The following PITPNC1 variants were observed in gnomAD, a reference collection of about 807,000 sequenced individuals.
PITPNC1 encodes cytoplasmic phosphatidylinositol transfer protein 1.
A neutral mutation model predicts 44.7 loss-of-function variants in PITPNC1; 18 were observed. That is an observed-to-expected ratio of 0.40 (90% CI 0.28 to 0.60). PITPNC1 has a LOEUF of 0.60. PITPNC1 is among the 20% of genes least tolerant of loss of function. The pLI, the probability that PITPNC1 is intolerant of heterozygous loss-of-function variation, is 0.39. For synonymous variants in PITPNC1, 141 were observed against 149.6 expected (o/e 0.94, Z 0.42); for missense variants, 290 against 418.4 (o/e 0.69, Z 2.68).
intron 1 of PITPNC1, among the ~76,000 whole-genome samples, chr17:67,443,237 C>T (rs541221925): frequency 8.6e-5 from 13 of 151,990 alleles, no homozygotes; most frequent in Non-Finnish European, 1.5e-4. Flanking sequence ...CTGCTGTCTG[C>T]CTGAATTGTG....
At chr17:67,580,310 A>G (rs755159737) in intron 5 of PITPNC1, among the ~76,000 whole-genome samples, 1 of 152,168 alleles carries the variant, frequency 6.6e-6, no homozygotes, top group Non-Finnish European at 1.5e-5. Flanking sequence ...CAGTTGCTTG[A>G]ATTGCTTTTC....
chr17:67,434,933 A>G (rs370256831), intron 1 of PITPNC1, among the ~76,000 whole-genome samples: 1,576 of 151,138 alleles, frequency 0.01, 34 homozygotes, highest in African/African-American at 0.036. Flanking sequence ...ACATGGAGAA[A>G]CCCCGTCTAT....
chr17:67,402,469 G>A (rs2038331118), intron 1 of PITPNC1, among the ~76,000 whole-genome samples: 2 of 152,078 alleles, frequency 1.3e-5, no homozygotes, highest in Admixed American at 6.6e-5. Flanking sequence ...CTGACAAGGT[G>A]GTCAGTTACA....
intron 5 of PITPNC1, among the ~76,000 whole-genome samples, chr17:67,586,352 G>A (rs1024934666): frequency 5.9e-5 from 9 of 151,580 alleles, no homozygotes; most frequent in Non-Finnish European, 2.9e-5. Flanking sequence ...GGAGGCTGAA[G>A]CGGGCAGATT....
At chr17:67,674,595 GGGAATGTTAAGT>G in intron 7 of PITPNC1, among the ~76,000 whole-genome samples, 1 of 148,294 alleles carries the variant, frequency 6.7e-6, no homozygotes, top group African/African-American at 2.5e-5. Context: ...TCAGAAAAGA[GGGAATGTTAAGT>G]GCTGTTCACT....
chr17:67,575,856 TTCCTTCCTTCTTTCTTTCTTTCC>T (rs1461648669), intron 4 of PITPNC1, among the ~76,000 whole-genome samples: 4 of 25,954 alleles, frequency 1.5e-4, no homozygotes, highest in Middle Eastern at 0.05. Context: ...CTTTCTTTCT[TTCCTTCCTTCTTTCTTTCTTTCC>T]TTTTTTTTTT....
intron 1 of PITPNC1, among the ~76,000 whole-genome samples, chr17:67,479,021 A>G (rs77613513): frequency 0.028 from 4,224 of 152,100 alleles, 192 homozygotes; most frequent in African/African-American, 0.096. Flanking sequence ...GTGTCAAGCA[A>G]TCATTACTGA....
At position 67,411,120 on chromosome 17, in the gene PITPNC1, G is replaced by A. The variant is rs148855227; in HGVS notation, c.48+32918G>A. 4.7e-3 allele frequency among the ~76,000 whole-genome samples: 718 copies of A among 151,826 alleles called. 6 individuals are homozygous for A. The highest frequency in any genetic ancestry group is 0.016 in the African/African-American group (659 of 41,338). On this transcript the variant is annotated intron_variant, in intron 1 of 8. Coordinates refer to ENST00000581322, the MANE Select transcript of PITPNC1 (RefSeq NM_012417.4). ...AAAATAGAGCAGTTTACAGAATTGG[G>A]TATGAATGGGAGGTGGGAGTGCTTC...
intron 1 of PITPNC1, among the ~76,000 whole-genome samples, chr17:67,444,008 C>A (rs1473812136): frequency 6.6e-6 from 1 of 151,946 alleles, no homozygotes; most frequent in Non-Finnish European, 1.5e-5. Context: ...ACAACTCTGT[C>A]ATTATTTTCA....
At chr17:67,541,464 T>TAC (rs1316087251) in intron 2 of PITPNC1, among the ~76,000 whole-genome samples, 2 of 48,984 alleles carry the variant, frequency 4.1e-5, no homozygotes, top group Admixed American at 3.0e-4. Flanking sequence ...GAAGCAATTA[T>TAC]ACATACACAC....
intron 1 of PITPNC1, among the ~76,000 whole-genome samples, chr17:67,388,429 C>G (rs2038086991): frequency 6.8e-6 from 1 of 146,842 alleles, no homozygotes; most frequent in African/African-American, 2.5e-5. Context: ...TCAAGTGATT[C>G]TCCTGCCTCA....
At chr17:67,511,536 T>C (rs1397207390) in intron 1 of PITPNC1, among the ~76,000 whole-genome samples, 1 of 152,032 alleles carries the variant, frequency 6.6e-6, no homozygotes. Context: ...TGAGACAGAG[T>C]CTTACTCTGT....
chr17:67,628,709 C>T (rs927165488), intron 5 of PITPNC1, among the ~76,000 whole-genome samples: 5 of 152,148 alleles, frequency 3.3e-5, no homozygotes, highest in East Asian at 1.9e-4. Context: ...AGTCGGGGCA[C>T]GCTGCCAGTG....
chr17:67,564,741 T>C (rs1339206476), intron 4 of PITPNC1, among the ~76,000 whole-genome samples: 4 of 152,224 alleles, frequency 2.6e-5, no homozygotes, highest in Non-Finnish European at 5.9e-5. Context: ...TCCTGTAAGA[T>C]AATATAGTTA....
intron 4 of PITPNC1, among the ~76,000 whole-genome samples, chr17:67,572,965 A>G (rs931236383): frequency 3.3e-5 from 5 of 152,150 alleles, no homozygotes; most frequent in African/African-American, 1.2e-4. Context: ...TGGAAGAGAC[A>G]AGGACAGATT....
chr17:67,450,822 T>C (rs8077980), intron 1 of PITPNC1, among the ~76,000 whole-genome samples: 2,695 of 152,214 alleles, frequency 0.018, 79 homozygotes, highest in African/African-American at 0.061. Flanking sequence ...TTTTCATCAT[T>C]CCAAATAGAA....
At chr17:67,493,091 C>T (rs956852623) in intron 1 of PITPNC1, among the ~76,000 whole-genome samples, 3 of 152,182 alleles carry the variant, frequency 2.0e-5, no homozygotes, top group African/African-American at 7.2e-5. Context: ...ATTTTTTAAA[C>T]ACCCCATCCG....
intron 1 of PITPNC1, among the ~76,000 whole-genome samples, chr17:67,459,113 CTTTTTT>C (rs886333854): frequency 2.1e-5 from 2 of 95,732 alleles, no homozygotes; most frequent in African/African-American, 4.2e-5. Flanking sequence ...TTTTCTTTTT[CTTTTTT>C]TTTTTTTTTT....
intron 5 of PITPNC1, among the ~76,000 whole-genome samples, chr17:67,607,814 T>A (rs1286240944): frequency 6.6e-6 from 1 of 151,604 alleles, no homozygotes; most frequent in Non-Finnish European, 1.5e-5. Flanking sequence ...CTGCAACCTC[T>A]GCCTCCCGGG....
Sources: allele counts gnomAD v4.1 joint callset (sites outside exome capture counted in the v4.1 genomes callset), GRCh38; gene constraint gnomAD v4.1.1; transcripts MANE v1.5; gene names NCBI Gene and HGNC (gene_info 2026-07-23, HGNC 2026-07-21).